Variants in ALDH16A1 observed in about 807,000 individuals in gnomAD.
ALDH16A1 encodes aldehyde dehydrogenase family 16 member A1.
Under a neutral mutation model 96.1 loss-of-function variants are expected in ALDH16A1, and 88 were observed. The ratio of observed to expected loss-of-function variants is 0.92; its 90% CI spans 0.77 to 1.09. ALDH16A1 has a LOEUF of 1.09. Among genes scored for constraint, ALDH16A1 ranks in the 50% least tolerant of loss-of-function variants. The pLI, the probability that ALDH16A1 is intolerant of heterozygous loss-of-function variation, is 0.00. For synonymous variants in ALDH16A1, 522 were observed against 496.4 expected (o/e 1.05, Z -0.69); for missense variants, 1,250 against 1,112.6 (o/e 1.12, Z -1.76).
Position 49,462,748 on chromosome 19 carries a change from G to T in ALDH16A1, c.1091G>T (p.Gly364Val). 1 of 1,583,874 alleles carries T rather than the reference G, an allele frequency of 6.3e-7. No homozygotes were observed. Among genetic ancestry groups the T allele is most frequent in the Non-Finnish European group, 8.6e-7 (1 of 1,166,546 alleles). Reference protein sequence around the residue: ...QRFVREAQSQGAQVFQAGDVP... With the variant: ...QRFVREAQSQVAQVFQAGDVP... ...TTTGTGCGTGAGGCCCAGAGCCAGG[G>T]TGCACAGGTGAGGCAGGGGGTAGAG... is the stretch of plus-strand genomic sequence containing the variant. Residue 364 changes from glycine to valine, a missense_variant, in exon 8 of 17, where the codon GGT (glycine) becomes GTT (valine). By Grantham distance (109) the Gly-to-Val change is moderately radical (BLOSUM62 -3). Coordinates refer to ENST00000293350, the MANE Select transcript of ALDH16A1 (RefSeq NM_153329.4).
chr19:49,458,604 C>T lies in ALDH16A1; in HGVS notation c.193+16C>T, dbSNP rs930815354. 5.2e-6 allele frequency: 8 copies of T among 1,552,104 alleles called. No homozygotes were observed. Among genetic ancestry groups the T allele is most frequent in the South Asian group, 1.2e-5 (1 of 84,280 alleles). ...CCCATCACAGGTACGAGATGTCCCC[C>T]AGTCATTAGTGGAAGGGAGGTATCT... On this transcript the variant is annotated intron_variant, in intron 2 of 16. Transcript: ENST00000293350.
chr19:49,460,689 C>T (rs1050062027), intron 4 of ALDH16A1, 133 bp from the exon 5 acceptor site: 6 of 741,796 alleles, frequency 8.1e-6, no homozygotes, highest in African/African-American at 3.5e-5. Context: ...GCTGAGATTA[C>T]AGGCGTGAGC....
chr19:49,462,483 A>G, intron 7 of ALDH16A1, 87 bp from the exon 8 acceptor site: 1 of 1,457,810 alleles, frequency 6.9e-7, no homozygotes, highest in South Asian at 1.3e-5. Context: ...CCATGTCCCT[A>G]GTTTTCCAGC....
intron 9 of ALDH16A1, 74 bp downstream of exon 9, chr19:49,464,023 T>C (rs1453289062): frequency 5.1e-6 from 8 of 1,577,322 alleles, no homozygotes; most frequent in African/African-American, 1.3e-5. Context: ...GGGGAAGCCC[T>C]TGGGGTAACC....
At chr19:49,465,715 C>G (rs1373129354) in intron 12 of ALDH16A1, 23 bp from the exon 13 acceptor site, 1 of 1,602,656 alleles carries the variant, frequency 6.2e-7, no homozygotes, top group South Asian at 1.1e-5. Context: ...CAGGACTCCT[C>G]CTCATGTCCC....
chr19:49,464,205 G>A lies in ALDH16A1; in HGVS notation c.1273G>A (p.Gly425Arg), dbSNP rs150186880. Residue 425 changes from glycine (G) to arginine (R), a missense_variant, in exon 10 of 17, where the codon GGG (glycine) becomes AGG (arginine). By Grantham distance (125) the Gly-to-Arg change is moderately radical. Coordinates refer to ENST00000293350, the MANE Select transcript of ALDH16A1 (RefSeq NM_153329.4). ...GTTGGTGGCCAACGGGACGCCCCGC[G>A]GGGGCAGCGCCAGTGTGTGGAGCGA... ...ALLVANGTPR[G>R]GSASVWSERL... The A allele has an allele frequency of 6.9e-6, 11 of 1,605,814 alleles. No homozygotes were observed. The highest frequency in any genetic ancestry group is 3.3e-5 in the Admixed American group (2 of 59,844).
intron 12 of ALDH16A1, 115 bp downstream of exon 12, chr19:49,464,877 C>T (rs1472582945): frequency 6.7e-7 from 1 of 1,497,418 alleles, no homozygotes; most frequent in Non-Finnish European, 9.1e-7. Context: ...TCTCTTAGTC[C>T]TGCTGAGTAC....
rs2122427664 is a variant in ALDH16A1 at position 49,468,834 on chromosome 19, C to T, written c.2125-30C>T. The T allele has an allele frequency of 6.2e-7, 1 of 1,605,862 alleles. No individual in the cohort carries two copies. The highest frequency in any genetic ancestry group is 8.5e-7 in the Non-Finnish European group (1 of 1,175,378). On this transcript the variant is annotated intron_variant, in intron 15 of 16. Transcript: ENST00000293350. This position sits in a 1 kb window ranked among gnomAD's most constrained non-coding sequence, Gnocchi z 4.4. ...ACTCCTTGCCCTGCCCCCACGGCCT[C>T]CCCAACCTTTCACTCTCTCTATCCC... is the stretch of plus-strand genomic sequence containing the variant.
In ALDH16A1 at chr19:49,453,324, G is replaced by C. The variant is rs768608295; in HGVS notation, c.-8G>C. The C allele has an allele frequency of 3.8e-6, 6 of 1,559,100 alleles. No homozygotes were observed. The South Asian group carries it at 5.8e-5, about 15-fold the overall frequency. On this transcript the variant is annotated 5_prime_UTR_variant, in exon 1 of 17. Transcript: ENST00000293350. ...CGCAGTCTTCGCGGAAAGCGTTCGG[G>C]GTAGGCGATGGCTGCGACGCGTGCA...
chr19:49,454,607 T>C (rs184830553), intron 1 of ALDH16A1, among the ~76,000 whole-genome samples: 57 of 152,220 alleles, frequency 3.7e-4, no homozygotes, highest in African/African-American at 1.3e-3. Context: ...TTCACGGGGC[T>C]CTCATGATCC....
At position 49,461,542 on chromosome 19, in the gene ALDH16A1, GGGT is replaced by G. The variant is rs570860968; in HGVS notation, c.578-76_578-74del. 2.4e-4 allele frequency: 131 copies of G among 553,714 alleles called. 24 individuals are homozygous for G. The highest frequency in any genetic ancestry group is 4.5e-4 in the African/African-American group (6 of 13,458). 34.3% of individuals were successfully genotyped at this position (553,714 alleles called of 1,614,324 possible). On this transcript the variant is annotated intron_variant, in intron 5 of 16. Transcript: ENST00000293350. Reference sequence around the variant, plus strand: ...CTGGGTCTGAGGGAGGAGGGGCTGGGGGTCCAGATTCCTGGGTCTGAGGGAGGA... The same window carrying G: ...CTGGGTCTGAGGGAGGAGGGGCTGGGCCAGATTCCTGGGTCTGAGGGAGGA...
rs766273749 is a variant in ALDH16A1, at chr19:49,465,781, G to A, written c.1612G>A (p.Ala538Thr). The change falls in exon 13 of 17, where the codon GCT becomes ACT. Residue 538 changes from alanine (A) to threonine (T), a missense_variant. Coordinates refer to ENST00000293350, the MANE Select transcript of ALDH16A1 (RefSeq NM_153329.4). Reference sequence around the variant, plus strand: ...GCTCTTCGTTGGGGGCCGTTTCCAGGCTCCTGGGGCCCGAAGCTCCAGGCC... The same window carrying A: ...GCTCTTCGTTGGGGGCCGTTTCCAGACTCCTGGGGCCCGAAGCTCCAGGCC... ...YGLFVGGRFQ[A>T]PGARSSRPIR... is the part of the protein sequence containing the mutation. 1 of 1,614,112 alleles carries A rather than the reference G, an allele frequency of 6.2e-7. No individual in the cohort carries two copies. Among genetic ancestry groups the A allele is most frequent in the Non-Finnish European group, 8.5e-7 (1 of 1,180,002 alleles).
In ALDH16A1 at chr19:49,466,379, C is replaced by T. The variant is rs868553341; in HGVS notation, c.1938+96C>T. The T allele has an allele frequency of 1.4e-5, 18 of 1,274,590 alleles. No individual in the cohort carries two copies. The South Asian group carries it at 1.8e-4, about 13-fold the overall frequency. 79.0% of individuals were successfully genotyped at this position (1,274,590 alleles called of 1,614,324 possible). ...ACCCAGGCTTGGAATTCGGGCCCAG[C>T]CCCACCGCCTTCCACGGCAGGATCA... On this transcript the variant is annotated intron_variant, in intron 14 of 16. Coordinates refer to ENST00000293350, the MANE Select transcript of ALDH16A1 (RefSeq NM_153329.4).
At position 49,468,901 on chromosome 19, in the gene ALDH16A1, T is replaced by A; in HGVS notation, c.2162T>A (p.Val721Glu). The A allele has an allele frequency of 6.2e-7, 1 of 1,613,996 alleles. No homozygotes were observed. Among genetic ancestry groups the A allele is most frequent in the Non-Finnish European group, 8.5e-7 (1 of 1,179,992 alleles). The stretch of plus-strand genomic sequence containing the variant: ...GTGTTCCCAGCAGGCCTGGCCAACG[T>A]GGTGACAGGAGACCGGGACCATCTG... The part of the protein sequence containing the change: ...ATVFPAGLAN[V>E]VTGDRDHLTR... The change falls in exon 16 of 17, where the codon GTG becomes GAG. Residue 721 changes from valine to glutamate, a missense_variant. Physicochemically the swap from Val to Glu is moderately radical, Grantham distance 121 (BLOSUM62 -2). Transcript: ENST00000293350. The surrounding 1 kb of genome is among the most constrained non-coding windows in gnomAD (Gnocchi z 4.4).
intron 2 of ALDH16A1, 31 bp from the exon 3 acceptor site, chr19:49,458,929 C>G (rs1437237133): frequency 6.2e-7 from 1 of 1,602,876 alleles, no homozygotes; most frequent in Non-Finnish European, 8.5e-7. Context: ...GGCTACTCCT[C>G]CCATCTGAGT....
intron 12 of ALDH16A1, 57 bp from the exon 13 acceptor site, chr19:49,465,681 T>C (rs1243474511): frequency 8.4e-6 from 13 of 1,542,566 alleles, no homozygotes; most frequent in Non-Finnish European, 1.1e-5. Context: ...CGGTAGAGCA[T>C]AGGGTCTGAG....
intron 5 of ALDH16A1, among the ~76,000 whole-genome samples, chr19:49,461,271 C>G (rs1246488313): frequency 2.2e-5 from 3 of 133,700 alleles, no homozygotes; most frequent in Admixed American, 7.6e-5. Context: ...ACTCCTGGGT[C>G]TGAGGGAGGA....
Position 49,465,827 on chromosome 19 carries a change from A to C in ALDH16A1, c.1658A>C (p.Asn553Thr). ...SSRPIRDSSG[N>T]LHGYVAEGGA... Reference sequence around the variant, plus strand: ...AGGCCCATCCGGGATTCGTCTGGCAACCTCCATGGCTACGTGGCTGAGGGT... The same window carrying C: ...AGGCCCATCCGGGATTCGTCTGGCACCCTCCATGGCTACGTGGCTGAGGGT... Residue 553 changes from asparagine (N) to threonine (T), a missense_variant, in exon 13 of 17, where the codon AAC (asparagine) becomes ACC (threonine). Transcript: ENST00000293350. The C allele has an allele frequency of 6.2e-7, 1 of 1,614,040 alleles. No individual in the cohort carries two copies. Among genetic ancestry groups the C allele is most frequent in the Non-Finnish European group, 8.5e-7 (1 of 1,179,994 alleles).
At chr19:49,466,056 C>T in intron 13 of ALDH16A1, 26 bp from the exon 14 acceptor site, 1 of 1,539,418 alleles carries the variant, frequency 6.5e-7, no homozygotes, top group South Asian at 1.2e-5. Context: ...GGATGCCAAC[C>T]CCCACTGTGC....
Sources: allele counts gnomAD v4.1 joint callset (sites outside exome capture counted in the v4.1 genomes callset), GRCh38; gene constraint gnomAD v4.1.1; non-coding constraint Gnocchi (gnomAD v3.1); transcripts MANE v1.5; gene names NCBI Gene and HGNC (gene_info 2026-07-23, HGNC 2026-07-21).